GALNT1: variants seen among roughly 807,000 people sequenced by gnomAD.
GALNT1 encodes polypeptide N-acetylgalactosaminyltransferase 1.
In GALNT1, 17 loss-of-function variants were observed where a neutral mutation model predicts 65.7. The ratio of observed to expected loss-of-function variants is 0.26; its 90% CI spans 0.18 to 0.39. GALNT1 has a LOEUF of 0.39. Among genes scored for constraint, GALNT1 ranks in the 10% least tolerant of loss-of-function variants. GALNT1 has a pLI of 1.00. For missense variants in GALNT1, 460 were observed against 672.8 expected (o/e 0.68, Z 3.50); for synonymous variants, 210 against 219.7 (o/e 0.96, Z 0.39).
In GALNT1 at chr18:35,703,598, A is replaced by G. The variant is rs147562048; in HGVS notation, c.1488A>G (p.Lys496=). The change falls in exon 11 of 12, where the codon AAA becomes AAG. Residue 496 remains lysine (K), a synonymous_variant. Coordinates refer to ENST00000269195, the MANE Select transcript of GALNT1 (RefSeq NM_020474.4). ...SKLNGPVTML[K]CHHLKGNQLW... is the part of the protein sequence containing the mutation. The stretch of plus-strand genomic sequence containing the variant: ...TTAATGGCCCAGTTACAATGCTCAA[A>G]TGCCACCACCTAAAAGGCAACCAAC... 21 of 1,613,946 alleles carry G rather than the reference A, an allele frequency of 1.3e-5. No homozygotes were observed. Among genetic ancestry groups the G allele is most frequent in the Admixed American group, 1.7e-5 (1 of 60,000 alleles).
At chr18:35,706,458 C>T (rs1268473781) in intron 11 of GALNT1, among the ~76,000 whole-genome samples, 2 of 151,978 alleles carry the variant, frequency 1.3e-5, no homozygotes, top group African/African-American at 4.8e-5. Flanking sequence ...GCCGATACCG[C>T]GCCACTGCAC....
At position 35,610,407 on chromosome 18, in the gene GALNT1, G is replaced by A. The variant is rs142460556; in HGVS notation, c.-104+28545G>A. On this transcript the variant is annotated intron_variant, in intron 1 of 11. Coordinates refer to ENST00000269195, the MANE Select transcript of GALNT1 (RefSeq NM_020474.4). Reference sequence around the variant, plus strand: ...TTTGTTTATGGAGCGTTCCTTACTGGCTGTCACTTTTTGTTTATTGTCTGT... The same window carrying A: ...TTTGTTTATGGAGCGTTCCTTACTGACTGTCACTTTTTGTTTATTGTCTGT... 3.9e-5 allele frequency among the ~76,000 whole-genome samples: 6 copies of A among 152,240 alleles called. No homozygotes were observed. In the East Asian group the frequency reaches 1.2e-3, roughly 29 times the overall value.
At chr18:35,630,354 T>A (rs2046989369) in intron 1 of GALNT1, among the ~76,000 whole-genome samples, 1 of 152,172 alleles carries the variant, frequency 6.6e-6, no homozygotes, top group South Asian at 2.1e-4. Flanking sequence ...ACAAACTGTC[T>A]CTCAGACCAC....
At chr18:35,680,808 G>A (rs1283146066) in intron 4 of GALNT1, among the ~76,000 whole-genome samples, 1 of 152,132 alleles carries the variant, frequency 6.6e-6, no homozygotes, top group Non-Finnish European at 1.5e-5. Context: ...CTTAATTGCT[G>A]TGTACCTCAC....
rs114199462 is a variant in GALNT1, at chr18:35,637,321, G to A, written c.-103-17239G>A. Among the ~76,000 whole-genome samples the A allele has an allele frequency of 1.4e-3, 218 of 152,312 alleles. 1 individual carries two copies. Among genetic ancestry groups the A allele is most frequent in the African/African-American group, 5.0e-3 (207 of 41,566 alleles). ...ATGGGCCAAAAGCTGGGCTTCTTGC[G>A]CCATATAACTTGAAAAGTTCTGAAT... is the stretch of plus-strand genomic sequence containing the variant. On this transcript the variant is annotated intron_variant, in intron 1 of 11. Transcript: ENST00000269195.
At chr18:35,641,486 A>G (rs143987689) in intron 1 of GALNT1, among the ~76,000 whole-genome samples, 2 of 152,310 alleles carry the variant, frequency 1.3e-5, no homozygotes, top group African/African-American at 4.8e-5. Context: ...TAACTCACAC[A>G]AGGCTACATT....
intron 7 of GALNT1, 70 bp downstream of exon 7, chr18:35,689,360 A>T: frequency 2.3e-6 from 2 of 855,242 alleles, no homozygotes; most frequent in Non-Finnish European, 3.8e-6. Flanking sequence ...TTATTCATGT[A>T]TCTCTACATA....
chr18:35,598,263 G>A (rs2046532207), intron 1 of GALNT1, among the ~76,000 whole-genome samples: 1 of 151,820 alleles, frequency 6.6e-6, no homozygotes, highest in South Asian at 2.1e-4. Flanking sequence ...TCGAACTCCT[G>A]ACCTCAGGTG....
intron 1 of GALNT1, among the ~76,000 whole-genome samples, chr18:35,633,705 A>T (rs888007538): frequency 2.1e-4 from 32 of 152,160 alleles, no homozygotes; most frequent in African/African-American, 7.2e-4. Flanking sequence ...AATAAAAAAA[A>T]TTATGTTGAT....
intron 1 of GALNT1, among the ~76,000 whole-genome samples, chr18:35,588,715 A>G (rs1460349550): frequency 6.7e-6 from 1 of 150,190 alleles, no homozygotes; most frequent in Admixed American, 6.6e-5. Context: ...GAGTCTTTTT[A>G]TTTTGGTATT....
intron 1 of GALNT1, among the ~76,000 whole-genome samples, chr18:35,601,082 C>G (rs2046575548): frequency 6.6e-6 from 1 of 151,974 alleles, no homozygotes; most frequent in Admixed American, 6.6e-5. Context: ...CTGGGCTTTT[C>G]TTTGATGGGA....
intron 1 of GALNT1, among the ~76,000 whole-genome samples, chr18:35,582,341 C>A (rs1248104027): frequency 6.6e-6 from 1 of 152,118 alleles, no homozygotes; most frequent in Admixed American, 6.5e-5. Context: ...AAGTAGCGGG[C>A]TTTAGGTAAT....
intron 8 of GALNT1, 151 bp downstream of exon 8, chr18:35,691,343 G>A (rs964377722): frequency 7.4e-6 from 4 of 538,156 alleles, no homozygotes; most frequent in Non-Finnish European, 1.2e-5. Flanking sequence ...ATCACACACA[G>A]TATAGAAAGT....
intron 3 of GALNT1, among the ~76,000 whole-genome samples, chr18:35,664,744 G>A (rs1195014021): frequency 6.6e-6 from 1 of 152,180 alleles, no homozygotes; most frequent in African/African-American, 2.4e-5. Flanking sequence ...TTAAAAGCAA[G>A]CAAACTATAC....
At chr18:35,633,052 T>C (rs1383673227) in intron 1 of GALNT1, among the ~76,000 whole-genome samples, 1 of 152,196 alleles carries the variant, frequency 6.6e-6, no homozygotes, top group Non-Finnish European at 1.5e-5. Flanking sequence ...CAACACGTGC[T>C]GGAGAGGTTG....
intron 1 of GALNT1, among the ~76,000 whole-genome samples, chr18:35,653,550 T>A (rs935792767): frequency 2.6e-5 from 4 of 152,216 alleles, no homozygotes; most frequent in Non-Finnish European, 5.9e-5. Context: ...CTCACTCCAC[T>A]TCATAGGAAT....
At chr18:35,695,762 A>G (rs1359275465) in intron 9 of GALNT1, among the ~76,000 whole-genome samples, 1 of 152,214 alleles carries the variant, frequency 6.6e-6, no homozygotes, top group Non-Finnish European at 1.5e-5. Context: ...CTGATGCCTC[A>G]TTAATGGGAA....
At chr18:35,680,796 C>T (rs1054069557) in intron 4 of GALNT1, among the ~76,000 whole-genome samples, 4 of 152,068 alleles carry the variant, frequency 2.6e-5, no homozygotes, top group Non-Finnish European at 4.4e-5. Context: ...AGAGCCTGAC[C>T]TCTTAATTGC....
chr18:35,598,990 CG>C (rs1393469797), intron 1 of GALNT1, among the ~76,000 whole-genome samples: 4 of 129,060 alleles, frequency 3.1e-5, no homozygotes, highest in Admixed American at 2.3e-4. Context: ...TGTATCCAGG[CG>C]TTTTTTTTTT....
Sources: allele counts gnomAD v4.1 joint callset (sites outside exome capture counted in the v4.1 genomes callset), GRCh38; gene constraint gnomAD v4.1.1; transcripts MANE v1.5; gene names NCBI Gene and HGNC (gene_info 2026-07-23, HGNC 2026-07-21).